GPC5: variants seen among roughly 807,000 people sequenced by gnomAD.
GPC5 encodes glypican 5.
A neutral mutation model predicts 53.9 loss-of-function variants in GPC5; 47 were observed. That is an observed-to-expected ratio of 0.87 (90% CI 0.69 to 1.11). The LOEUF (loss-of-function observed/expected upper bound fraction) is 1.11, where lower values mean the gene tolerates loss of function less well. Among genes scored for constraint, GPC5 ranks in the 50% most tolerant of loss-of-function variants. GPC5 has a pLI of 0.00. For synonymous variants in GPC5, 286 were observed against 263.3 expected, an observed-to-expected ratio of 1.09 and a Z score of -0.84; for missense variants, 748 against 713.1, an observed-to-expected ratio of 1.05 and a Z score of -0.56.
intron 7 of GPC5, among the ~76,000 whole-genome samples, chr13:92,372,923 C>T (rs944514261): frequency 2.8e-4 from 42 of 152,154 alleles, no homozygotes; most frequent in African/African-American, 9.9e-4. Context: ...ATTATTACAA[C>T]ATGTTGTCTG....
rs77192044 is a variant in GPC5, at chr13:92,841,342, C to T, written c.1562-24940C>T. Among the ~76,000 whole-genome samples the T allele has an allele frequency of 2.1e-3, 321 of 152,134 alleles. 1 individual carries two copies. The highest frequency in any genetic ancestry group is 7.2e-3 in the African/African-American group (299 of 41,540). The stretch of plus-strand genomic sequence containing the variant: ...AGAAGAAATAAAGAGAATCTTTTTC[C>T]ATGAAGCAGCAGAAGTGATTTTTTA... On this transcript the variant is annotated intron_variant, in intron 7 of 7. Coordinates refer to ENST00000377067, the MANE Select transcript of GPC5 (RefSeq NM_004466.6).
At chr13:92,234,304 A>G (rs1004283082) in intron 7 of GPC5, among the ~76,000 whole-genome samples, 20 of 152,142 alleles carry the variant, frequency 1.3e-4, no homozygotes, top group African/African-American at 4.6e-4. Context: ...CTTTCTCCAC[A>G]TCCTCTCCAG....
At chr13:92,458,106 T>C (rs1052402582) in intron 7 of GPC5, among the ~76,000 whole-genome samples, 10 of 152,184 alleles carry the variant, frequency 6.6e-5, no homozygotes, top group African/African-American at 2.2e-4. Flanking sequence ...CTTATGTTTC[T>C]ATATGGCAAG....
At chr13:91,686,736 C>T (rs2035630416) in intron 2 of GPC5, among the ~76,000 whole-genome samples, 1 of 151,892 alleles carries the variant, frequency 6.6e-6, no homozygotes, top group Non-Finnish European at 1.5e-5. Context: ...TATAAAATTA[C>T]TTTTAAAATG....
intron 7 of GPC5, among the ~76,000 whole-genome samples, chr13:92,544,120 G>A (rs1165938916): frequency 6.6e-6 from 1 of 152,000 alleles, no homozygotes; most frequent in Non-Finnish European, 1.5e-5. Context: ...ACCAAACCTG[G>A]TTTGAGAGGG....
intron 7 of GPC5, among the ~76,000 whole-genome samples, chr13:92,257,081 C>G (rs1385103771): frequency 6.6e-6 from 1 of 151,752 alleles, no homozygotes; most frequent in Non-Finnish European, 1.5e-5. Flanking sequence ...CTTACTTTAC[C>G]AATAAAATAA....
At chr13:92,531,322 G>C (rs966155183) in intron 7 of GPC5, among the ~76,000 whole-genome samples, 3 of 151,850 alleles carry the variant, frequency 2.0e-5, no homozygotes, top group African/African-American at 7.3e-5. Context: ...CTTGAATATT[G>C]AATAGATCAC....
chr13:92,006,022 C>T (rs2040603537), intron 6 of GPC5, among the ~76,000 whole-genome samples: 1 of 152,108 alleles, frequency 6.6e-6, no homozygotes, highest in Non-Finnish European at 1.5e-5. Context: ...GCATCTACCC[C>T]AAGACATGAA....
At chr13:92,164,145 C>A (rs1396304141) in intron 7 of GPC5, among the ~76,000 whole-genome samples, 1 of 152,164 alleles carries the variant, frequency 6.6e-6, no homozygotes, top group East Asian at 1.9e-4. Context: ...AGACCCAGAT[C>A]ATATCATTCT....
At chr13:92,316,796 CA>C (rs1437605809) in intron 7 of GPC5, among the ~76,000 whole-genome samples, 56 of 152,152 alleles carry the variant, frequency 3.7e-4, no homozygotes, top group African/African-American at 1.3e-3. Context: ...GGTTCTGGGT[CA>C]AATTTTGATG....
intron 6 of GPC5, among the ~76,000 whole-genome samples, chr13:92,063,996 TGA>T (rs370655123): frequency 2.0e-5 from 3 of 151,030 alleles, no homozygotes; most frequent in Non-Finnish European, 4.4e-5. Flanking sequence ...CAAATTTGGC[TGA>T]GAGAGAGAGA....
intron 5 of GPC5, among the ~76,000 whole-genome samples, chr13:91,882,454 T>C (rs1334753134): frequency 6.6e-6 from 1 of 151,996 alleles, no homozygotes; most frequent in Admixed American, 6.6e-5. Flanking sequence ...AATATTTTAT[T>C]GTTTTCCATG....
chr13:91,935,521 T>C (rs2039861946), intron 6 of GPC5, among the ~76,000 whole-genome samples: 1 of 151,998 alleles, frequency 6.6e-6, no homozygotes, highest in Admixed American at 6.6e-5. Flanking sequence ...GAGTTTGGAC[T>C]GTCAGCCTCT....
chr13:92,433,326 G>A (rs1050452168), intron 7 of GPC5, among the ~76,000 whole-genome samples: 2 of 152,232 alleles, frequency 1.3e-5, no homozygotes, highest in South Asian at 2.1e-4. Context: ...CAAAAGAGGA[G>A]GTTGTTTTAT....
chr13:91,845,301 GGT>G (rs1491513981), intron 5 of GPC5, among the ~76,000 whole-genome samples: 1 of 147,672 alleles, frequency 6.8e-6, no homozygotes, highest in African/African-American at 2.5e-5. Flanking sequence ...AAATCAGTAA[GGT>G]TTTTTTTTAA....
chr13:92,785,500 A>G (rs1181281199), intron 7 of GPC5, among the ~76,000 whole-genome samples: 1 of 152,216 alleles, frequency 6.6e-6, no homozygotes, highest in East Asian at 1.9e-4. Context: ...TCTAAGAGAA[A>G]GAAAAGAGGC....
intron 5 of GPC5, among the ~76,000 whole-genome samples, chr13:91,860,445 A>G (rs1566308644): frequency 1.4e-5 from 2 of 143,006 alleles, no homozygotes; most frequent in Non-Finnish European, 3.0e-5. Context: ...GTATATATAT[A>G]TATCTATCCT....
intron 6 of GPC5, among the ~76,000 whole-genome samples, chr13:91,976,898 G>T (rs1029046495): frequency 2.0e-5 from 3 of 151,978 alleles, no homozygotes; most frequent in Admixed American, 1.3e-4. Flanking sequence ...AAATTAGCTC[G>T]CATGGTGGCA....
intron 7 of GPC5, among the ~76,000 whole-genome samples, chr13:92,518,887 T>A (rs1880907854): frequency 6.6e-6 from 1 of 152,068 alleles, no homozygotes; most frequent in Non-Finnish European, 1.5e-5. Context: ...GAGACCCATC[T>A]CACATGCAGA....
Sources: gnomAD v4.1 joint callset for allele counts (sites outside exome capture counted in the v4.1 genomes callset) on GRCh38, gnomAD v4.1.1 for gene constraint, MANE v1.5 for transcripts, NCBI Gene and HGNC (gene_info 2026-07-23, HGNC 2026-07-21) for gene names.